Variants in KLF17 observed in about 807,000 individuals in gnomAD.
KLF17 encodes Krueppel-like factor 17.
In KLF17, 31 loss-of-function variants were observed where a neutral mutation model predicts 34.2. The observed-to-expected ratio is 0.91, with a 90% CI of 0.68 to 1.22. The LOEUF (loss-of-function observed/expected upper bound fraction) is 1.22. KLF17 is among the 50% of genes most tolerant of loss of function. The pLI, the probability that KLF17 is intolerant of heterozygous loss-of-function variation, is 0.00. For missense variants in KLF17, 478 were observed against 505.2 expected (o/e 0.95, Z 0.52); for synonymous variants, 179 against 186.7 (o/e 0.96, Z 0.34).
At chr1:44,076,659 G>A in the KLF17 span, 1 of 151,756 alleles carries the variant, frequency 6.6e-6, no homozygotes, top group Admixed American at 6.6e-5. Flanking sequence ...ATGTTTATTG[G>A]ATTTCTTCAT....
At chr1:44,100,107 C>CACACACACAT in the KLF17 span, among the ~76,000 whole-genome samples, 1 of 133,242 alleles carries the variant, frequency 7.5e-6, no homozygotes, top group Non-Finnish European at 1.7e-5. Flanking sequence ...CACACACACA[C>CACACACACAT]ACACACACAA....
At chr1:44,124,318 T>C (rs72686034) in intron 1 of KLF17, among the ~76,000 whole-genome samples, 2 of 151,810 alleles carry the variant, frequency 1.3e-5, no homozygotes, top group Non-Finnish European at 2.9e-5. Context: ...AAACACAATT[T>C]CCTTTTGTAT....
intron 3 of KLF17, among the ~76,000 whole-genome samples, chr1:44,131,788 G>A (rs1348704707): frequency 3.3e-5 from 5 of 152,114 alleles, no homozygotes; most frequent in East Asian, 1.9e-4. Context: ...TCTGCCTCCC[G>A]GGTTCAAACG....
the KLF17 span, among the ~76,000 whole-genome samples, chr1:44,079,596 G>A: frequency 1.3e-5 from 2 of 151,888 alleles, no homozygotes; most frequent in African/African-American, 4.8e-5. Flanking sequence ...GAGCCACCAC[G>A]CCTGGCCTAG....
the KLF17 span, among the ~76,000 whole-genome samples, chr1:44,085,900 C>T: frequency 6.7e-6 from 1 of 149,754 alleles, no homozygotes; most frequent in African/African-American, 2.5e-5. Context: ...TGTGGAGGAA[C>T]CAGTAAAGCT....
chr1:44,130,313 AGCTAGACTG>A, intron 2 of KLF17, 117 bp downstream of exon 2: 1 of 1,478,036 alleles, frequency 6.8e-7, no homozygotes, highest in Non-Finnish European at 9.1e-7. Context: ...CTTGGAACTA[AGCTAGACTG>A]GCCCCCCGAC....
intron 2 of KLF17, 50 bp from the exon 3 acceptor site, chr1:44,130,462 C>T: frequency 6.2e-7 from 1 of 1,610,370 alleles, no homozygotes; most frequent in Non-Finnish European, 8.5e-7. Flanking sequence ...GAGTTAGACC[C>T]CTTCCTTCCT....
the KLF17 span, among the ~76,000 whole-genome samples, chr1:44,087,369 C>T: frequency 6.6e-6 from 1 of 151,950 alleles, no homozygotes; most frequent in East Asian, 1.9e-4. Flanking sequence ...GATCCTCCTA[C>T]CTCAGCCTCC....
chr1:44,119,266 A>G (rs1264435892), intron 1 of KLF17, among the ~76,000 whole-genome samples: 3 of 152,032 alleles, frequency 2.0e-5, no homozygotes, highest in African/African-American at 7.2e-5. Flanking sequence ...TACGTCGTTT[A>G]TTCCAACAAT....
the KLF17 span, among the ~76,000 whole-genome samples, chr1:44,099,232 C>G: frequency 6.6e-6 from 1 of 150,934 alleles, no homozygotes; most frequent in Non-Finnish European, 1.5e-5. Context: ...CATCAAACCC[C>G]GTCTCCACAA....
At chr1:44,066,146 C>T in the KLF17 span, among the ~76,000 whole-genome samples, 1 of 151,962 alleles carries the variant, frequency 6.6e-6, no homozygotes. Flanking sequence ...GTGAGACCCC[C>T]GTCTCTACAA....
chr1:44,057,430 CAGTT>C, the KLF17 span, among the ~76,000 whole-genome samples: 1 of 152,096 alleles, frequency 6.6e-6, no homozygotes, highest in African/African-American at 2.4e-5. Flanking sequence ...AAGGAGGTAG[CAGTT>C]AGTCACTGCA....
chr1:44,112,979 T>C, the KLF17 span, among the ~76,000 whole-genome samples: 1 of 152,238 alleles, frequency 6.6e-6, no homozygotes. Context: ...TTGTTCATTC[T>C]GATGGCTTCA....
the KLF17 span, among the ~76,000 whole-genome samples, chr1:44,078,281 ATCT>A: frequency 6.6e-6 from 1 of 152,046 alleles, no homozygotes; most frequent in Non-Finnish European, 1.5e-5. Context: ...TCCAAATCCA[ATCT>A]TCTTTGCCCT....
chr1:44,080,355 C>G, the KLF17 span, among the ~76,000 whole-genome samples: 1 of 151,414 alleles, frequency 6.6e-6, no homozygotes, highest in East Asian at 2.0e-4. Flanking sequence ...TCTCCAGCCT[C>G]AGCCTCCCGA....
chr1:44,132,666 A>C lies in KLF17; in HGVS notation c.*1-572A>C, dbSNP rs189462389. Among the ~76,000 whole-genome samples, 668 of 152,298 alleles carry C rather than the reference A, an allele frequency of 4.4e-3. 3 individuals carry two copies. The highest frequency in any genetic ancestry group is 0.015 in the African/African-American group (644 of 41,564). The stretch of plus-strand genomic sequence containing the variant: ...TCTGTATTCTAGGTGACTGAGGACT[A>C]GGAGGGAGAGGAGGACCTAAGCCTG... On this transcript the variant is annotated intron_variant, in intron 3 of 3. Transcript: ENST00000372299.
chr1:44,054,118 C>G, the KLF17 span, among the ~76,000 whole-genome samples: 44 of 152,144 alleles, frequency 2.9e-4, no homozygotes, highest in Non-Finnish European at 1.0e-4. Context: ...TTTCTTGGGG[C>G]ACTCAGGAAA....
rs1326946271 is a variant in KLF17 at position 44,129,755 on chromosome 1, G to A, written c.484G>A (p.Ala162Thr). The A allele has an allele frequency of 6.2e-7, 1 of 1,614,124 alleles. No individual in the cohort carries two copies. The highest frequency in any genetic ancestry group is 1.7e-5 in the Admixed American group (1 of 60,012). ...RMPPNGLPVS[A>T]STGIPIMSHT... is the part of the protein sequence containing the mutation. ...GCCCCCCAATGGGCTGCCAGTCTCG[G>A]CTTCCACTGGAATCCCAATAATGTC... Residue 162 changes from alanine to threonine, a missense_variant, in exon 2 of 4, where the codon GCT becomes ACT. Physicochemically the swap from Ala to Thr is moderately conservative, Grantham distance 58 (BLOSUM62 0). Transcript: ENST00000372299.
intron 1 of KLF17, among the ~76,000 whole-genome samples, chr1:44,119,670 T>A (rs1320303061): frequency 1.3e-5 from 2 of 152,102 alleles, no homozygotes; most frequent in East Asian, 3.9e-4. Context: ...AAAGAACCCG[T>A]CAGGTGAAAG....
Sources: allele counts gnomAD v4.1 joint callset (sites outside exome capture counted in the v4.1 genomes callset), GRCh38; gene constraint gnomAD v4.1.1; transcripts MANE v1.5; gene names NCBI Gene and HGNC (gene_info 2026-07-23, HGNC 2026-07-21).